The following FLRT2 variants were observed in gnomAD, a reference collection of about 807,000 sequenced individuals.
The protein encoded by FLRT2 is leucine-rich repeat transmembrane protein FLRT2.
Under a neutral mutation model 40.0 loss-of-function variants are expected in FLRT2, and 15 were observed. The observed-to-expected ratio is 0.38, with a 90% CI of 0.25 to 0.58. The LOEUF (loss-of-function observed/expected upper bound fraction) is 0.58, where lower values mean the gene tolerates loss of function less well. Ranked by LOEUF, FLRT2 falls within the 20% of genes least tolerant of loss-of-function variation. The probability of loss-of-function intolerance (pLI) is 0.71; values close to 1 mark genes in which losing one functional copy is unlikely to be tolerated. For synonymous variants in FLRT2, 380 were observed against 336.8 expected (o/e 1.13, Z -1.41); for missense variants, 726 against 840.0 (o/e 0.86, Z 1.68).
At chr14:85,590,058 A>ATT (rs35439175) in intron 1 of FLRT2, among the ~76,000 whole-genome samples, 2 of 146,792 alleles carry the variant, frequency 1.4e-5, no homozygotes, top group Non-Finnish European at 3.0e-5. Flanking sequence ...TTTTGCTCAG[A>ATT]TTTTTTTTTT....
At chr14:85,549,040 C>G (rs900935850) in intron 1 of FLRT2, among the ~76,000 whole-genome samples, 3 of 152,138 alleles carry the variant, frequency 2.0e-5, no homozygotes, top group Non-Finnish European at 2.9e-5. Context: ...GGCCAAACTC[C>G]AGGGGAAGAC....
intron 1 of FLRT2, among the ~76,000 whole-genome samples, chr14:85,574,190 T>G (rs1891022227): frequency 6.6e-6 from 1 of 151,978 alleles, no homozygotes; most frequent in South Asian, 2.1e-4. Flanking sequence ...ATTTTGTTAT[T>G]AGGGTTGATA....
At chr14:85,615,547 A>G (rs2139359647) in intron 1 of FLRT2, among the ~76,000 whole-genome samples, 1 of 152,102 alleles carries the variant, frequency 6.6e-6, no homozygotes, top group Non-Finnish European at 1.5e-5. Context: ...CAGTAAAGAG[A>G]AATATCTGCC....
rs35631948 is a variant in FLRT2, at chr14:85,583,961, T to TAA, written c.-376-37163_-376-37162dup. On this transcript the variant is annotated intron_variant, in intron 1 of 1. Transcript: ENST00000330753. Reference sequence around the variant, plus strand: ...GCAATGTAGCAAGACACTGTTTCTTTAAAAAAAAAAAAAAAAGACTAGGTA... The same window carrying TAA: ...GCAATGTAGCAAGACACTGTTTCTTTAAAAAAAAAAAAAAAAAAGACTAGGTA... 5.5e-3 allele frequency among the ~76,000 whole-genome samples: 786 copies of TAA among 141,900 alleles called. 5 individuals carry two copies. Among genetic ancestry groups the TAA allele is most frequent in the Middle Eastern group, 0.015 (4 of 266 alleles). 93.1% of individuals were successfully genotyped at this position (141,900 alleles called of 152,430 possible).
intron 1 of FLRT2, among the ~76,000 whole-genome samples, chr14:85,591,603 G>A (rs1269738120): frequency 2.6e-5 from 4 of 152,194 alleles, no homozygotes; most frequent in Non-Finnish European, 5.9e-5. Flanking sequence ...TCTTGCTTGA[G>A]GAAGTTACAG....
intron 1 of FLRT2, among the ~76,000 whole-genome samples, chr14:85,535,571 G>T (rs1888597265): frequency 6.6e-6 from 1 of 152,152 alleles, no homozygotes; most frequent in Admixed American, 6.5e-5. Context: ...CAATCTGTAG[G>T]TAATACGCAT....
intron 1 of FLRT2, among the ~76,000 whole-genome samples, chr14:85,541,294 T>C (rs756903275): frequency 4.6e-5 from 7 of 152,176 alleles, no homozygotes; most frequent in African/African-American, 7.2e-5. Flanking sequence ...GCACTATCCA[T>C]GAACTGGGCA....
intron 1 of FLRT2, among the ~76,000 whole-genome samples, chr14:85,603,254 G>A (rs140076327): frequency 6.6e-6 from 1 of 152,274 alleles, no homozygotes; most frequent in Non-Finnish European, 1.5e-5. Context: ...AACAACGCCT[G>A]TAGAGCTATC....
At chr14:85,611,499 C>A (rs535832626) in intron 1 of FLRT2, among the ~76,000 whole-genome samples, 85 of 152,166 alleles carry the variant, frequency 5.6e-4, no homozygotes, top group Non-Finnish European at 1.1e-3. Context: ...ATCAGGAAAG[C>A]ACAACATGTG....
intron 1 of FLRT2, among the ~76,000 whole-genome samples, chr14:85,604,070 C>A (rs770890366): frequency 5.9e-5 from 9 of 152,076 alleles, no homozygotes; most frequent in Non-Finnish European, 1.2e-4. Flanking sequence ...AGGAAGCCAT[C>A]CTACCTAAAT....
At chr14:85,594,975 GTAAATGTAT>G (rs1427264027) in intron 1 of FLRT2, among the ~76,000 whole-genome samples, 1 of 152,138 alleles carries the variant, frequency 6.6e-6, no homozygotes, top group Non-Finnish European at 1.5e-5. Flanking sequence ...ATTTACTTAA[GTAAATGTAT>G]TAAGTGGAAA....
chr14:85,544,054 T>G (rs557360420), intron 1 of FLRT2, among the ~76,000 whole-genome samples: 1 of 152,346 alleles, frequency 6.6e-6, no homozygotes, highest in Admixed American at 6.5e-5. Flanking sequence ...TGACCAGACC[T>G]GGAACACAAG....
At chr14:85,607,507 G>T (rs1173649537) in intron 1 of FLRT2, among the ~76,000 whole-genome samples, 2 of 152,212 alleles carry the variant, frequency 1.3e-5, no homozygotes, top group African/African-American at 4.8e-5. Flanking sequence ...TCTTGCAACA[G>T]CTAGGGGTGG....
rs1893616719 is a variant in FLRT2 at position 85,625,075 on chromosome 14, T to G, written c.*1578T>G. 1 of 167,046 alleles carries G rather than the reference T, an allele frequency of 6.0e-6. No individual in the cohort carries two copies. The highest frequency in any genetic ancestry group is 6.5e-5 in the Admixed American group (1 of 15,282). 10.3% of individuals were successfully genotyped at this position (167,046 alleles called of 1,614,324 possible). ...CGTAGAAAAGAGAGGATGTCCGTGCTTAATTCTAGATACTTTTGAGACAAC... is the reference window on the plus strand; with the variant it reads ...CGTAGAAAAGAGAGGATGTCCGTGCGTAATTCTAGATACTTTTGAGACAAC... On this transcript the variant is annotated 3_prime_UTR_variant, in exon 2 of 2. Coordinates refer to ENST00000330753, the MANE Select transcript of FLRT2 (RefSeq NM_013231.6).
intron 1 of FLRT2, among the ~76,000 whole-genome samples, chr14:85,592,168 G>A (rs565851416): frequency 6.6e-6 from 1 of 152,164 alleles, no homozygotes; most frequent in Admixed American, 6.5e-5. Context: ...TTTTTTTTAA[G>A]TGATAGGATA....
At chr14:85,539,119 A>G (rs1888836099) in intron 1 of FLRT2, among the ~76,000 whole-genome samples, 1 of 151,454 alleles carries the variant, frequency 6.6e-6, no homozygotes. Context: ...CACCCTCATC[A>G]CTCCGGGCCC....
chr14:85,618,969 C>A (rs1301134737), intron 1 of FLRT2, among the ~76,000 whole-genome samples: 1 of 151,958 alleles, frequency 6.6e-6, no homozygotes, highest in Non-Finnish European at 1.5e-5. Flanking sequence ...CCTATGCCAC[C>A]TCAGTTATAT....
At chr14:85,598,637 TG>T (rs1422270961) in intron 1 of FLRT2, among the ~76,000 whole-genome samples, 1 of 152,234 alleles carries the variant, frequency 6.6e-6, no homozygotes, top group Non-Finnish European at 1.5e-5. Flanking sequence ...GCTTCTAAGT[TG>T]GACCTCATAG....
intron 1 of FLRT2, among the ~76,000 whole-genome samples, chr14:85,561,736 G>A (rs902609952): frequency 3.3e-5 from 5 of 152,204 alleles, no homozygotes; most frequent in African/African-American, 7.2e-5. Flanking sequence ...AGATAAAATA[G>A]AATCGTACCA....
Sources: allele counts gnomAD v4.1 joint callset (sites outside exome capture counted in the v4.1 genomes callset), GRCh38; gene constraint gnomAD v4.1.1; transcripts MANE v1.5; gene names NCBI Gene and HGNC (gene_info 2026-07-23, HGNC 2026-07-21).